GMPR: variants seen among roughly 807,000 people sequenced by gnomAD.
GMPR encodes the protein guanosine monophosphate reductase.
Under a neutral mutation model 38.4 loss-of-function variants are expected in GMPR, and 31 were observed. The observed-to-expected ratio is 0.81, with a 90% CI of 0.61 to 1.09. The LOEUF is 1.09. Ranked by LOEUF, GMPR falls within the 50% of genes least tolerant of loss-of-function variation. The pLI is 0.00. For synonymous variants in GMPR, 162 were observed against 173.3 expected (o/e 0.93, Z 0.51); for missense variants, 468 against 453.7 (o/e 1.03, Z -0.29).
intron 4 of GMPR, among the ~76,000 whole-genome samples, chr6:16,256,477 C>T (rs1173704207): frequency 1.4e-5 from 2 of 138,624 alleles, no homozygotes; most frequent in African/African-American, 2.7e-5. Flanking sequence ...GGCTGTGAGC[C>T]GAGATCTCAC....
chr6:16,242,730 C>T (rs558053412), intron 1 of GMPR, among the ~76,000 whole-genome samples: 82 of 152,264 alleles, frequency 5.4e-4, no homozygotes, highest in Non-Finnish European at 9.4e-4. Flanking sequence ...CCTCCGCCTC[C>T]CAGGTTCAAG....
chr6:16,246,997 C>T (rs1321369381), intron 2 of GMPR, 36 bp downstream of exon 2: 1 of 1,605,620 alleles, frequency 6.2e-7, no homozygotes, highest in East Asian at 2.2e-5. Context: ...CCCTTTGCTG[C>T]TCACACTGTG....
At chr6:16,246,634 G>A (rs1758760628) in intron 1 of GMPR, among the ~76,000 whole-genome samples, 1 of 152,210 alleles carries the variant, frequency 6.6e-6, no homozygotes, top group Non-Finnish European at 1.5e-5. Context: ...GGCTGGGAAA[G>A]TAGGAGAGAG....
At position 16,254,743 on chromosome 6, in the gene GMPR, C is replaced by A; in HGVS notation, c.465+8C>A. On this transcript the variant is annotated splice_region_variant and intron_variant, in intron 4 of 8. Transcript: ENST00000259727. ...CCTGAACACACCATTATGGTAAGTA[C>A]GGTAGAACATTACGGTAGAACATTC... The A allele has an allele frequency of 1.3e-6, 2 of 1,598,936 alleles. No homozygotes were observed. Among genetic ancestry groups the A allele is most frequent in the Non-Finnish European group, 1.7e-6 (2 of 1,166,476 alleles).
chr6:16,250,985 T>G (rs1411281551), intron 3 of GMPR, among the ~76,000 whole-genome samples: 1 of 152,166 alleles, frequency 6.6e-6, no homozygotes, highest in African/African-American at 2.4e-5. Flanking sequence ...CAGTTGTCAG[T>G]TCCTGGAACG....
chr6:16,238,959 G>A (rs1758591979), intron 1 of GMPR, among the ~76,000 whole-genome samples, 179 bp downstream of exon 1: 1 of 152,090 alleles, frequency 6.6e-6, no homozygotes, highest in Admixed American at 6.6e-5. Context: ...CTTTAAGGGC[G>A]GTGATACGGG....
rs1758582146 is a variant in GMPR at position 16,238,623 on chromosome 6, C to G, written c.-71C>G. 5.9e-6 allele frequency: 3 copies of G among 506,532 alleles called. No individual in the cohort carries two copies. Among genetic ancestry groups the G allele is most frequent in the Non-Finnish European group, 8.0e-6 (3 of 377,286 alleles). The allele number at this position is 506,532 out of a possible 1,614,324, so 31.4% of individuals were successfully genotyped here. On this transcript the variant is annotated 5_prime_UTR_variant, in exon 1 of 9. Transcript: ENST00000259727. ...CGGCCGCGGCACAGCAGCCCCGGCG[C>G]TCCCCGCGCCGCCCCGCGCAGGCGC... is the stretch of plus-strand genomic sequence containing the variant.
Position 16,258,840 on chromosome 6 carries a change from G to A in GMPR, c.465+4105G>A, listed in dbSNP as rs544855617. Among the ~76,000 whole-genome samples, 6 of 152,244 alleles carry A rather than the reference G, an allele frequency of 3.9e-5. No homozygotes were observed. The South Asian group carries it at 1.2e-3, about 32-fold the overall frequency. On this transcript the variant is annotated intron_variant, in intron 4 of 8. Coordinates refer to ENST00000259727, the MANE Select transcript of GMPR (RefSeq NM_006877.4). Reference sequence around the variant, plus strand: ...TTTTGGAATGAATGATGTAATATGAGGGCTGAGTGTTATGGAATGGAGTGT... The same window carrying A: ...TTTTGGAATGAATGATGTAATATGAAGGCTGAGTGTTATGGAATGGAGTGT...
intron 4 of GMPR, among the ~76,000 whole-genome samples, chr6:16,273,532 A>G (rs900779018): frequency 6.6e-6 from 1 of 152,194 alleles, no homozygotes; most frequent in Non-Finnish European, 1.5e-5. Flanking sequence ...GTGTGTTCTT[A>G]GGCCAAAGCT....
chr6:16,264,377 C>T (rs893807849), intron 4 of GMPR: 27 of 254,262 alleles, frequency 1.1e-4, no homozygotes, highest in Middle Eastern at 1.4e-3. Context: ...TTGGGCTGGT[C>T]GGTCCGAGGA....
At chr6:16,268,552 T>G (rs1759315730) in intron 4 of GMPR, among the ~76,000 whole-genome samples, 1 of 152,204 alleles carries the variant, frequency 6.6e-6, no homozygotes, top group East Asian at 1.9e-4. Context: ...AGTGTTGGGA[T>G]TACAGGCGTG....
Position 16,278,860 on chromosome 6 carries a change from T to C in GMPR, c.624T>C (p.Ser208=). 6.2e-7 allele frequency: 1 copy of C among 1,613,680 alleles called. No homozygotes were observed. The highest frequency in any genetic ancestry group is 8.5e-7 in the Non-Finnish European group (1 of 1,179,622). Residue 208 remains serine, a synonymous_variant, in exon 6 of 9, where the codon TCT becomes TCC. Transcript: ENST00000259727. ...QLSAVIECAD[S]AHGLKGHIIS... is the part of the protein sequence containing the mutation. ...GTGCCGTCATTGAGTGTGCCGACTC[T>C]GCCCATGGCCTGAAGGGCCACATCA...
intron 4 of GMPR, among the ~76,000 whole-genome samples, chr6:16,266,986 G>A (rs993443280): frequency 6.6e-6 from 1 of 151,450 alleles, no homozygotes; most frequent in Non-Finnish European, 1.5e-5. Context: ...CCACGAGGAG[G>A]AACGAACAAC....
intron 1 of GMPR, among the ~76,000 whole-genome samples, 159 bp from the exon 2 acceptor site, chr6:16,246,683 G>A (rs1036676481): frequency 1.3e-5 from 2 of 152,194 alleles, no homozygotes; most frequent in Non-Finnish European, 1.5e-5. Flanking sequence ...CGGAATTTCC[G>A]CTCTGGTGTC....
chr6:16,293,281 A>G (rs1264430334), intron 8 of GMPR, among the ~76,000 whole-genome samples: 1 of 152,238 alleles, frequency 6.6e-6, no homozygotes, highest in Non-Finnish European at 1.5e-5. Flanking sequence ...GAATCTAGAA[A>G]TTTCCAAGAA....
At chr6:16,287,172 G>A (rs1011471209) in intron 7 of GMPR, among the ~76,000 whole-genome samples, 1 of 152,194 alleles carries the variant, frequency 6.6e-6, no homozygotes, top group African/African-American at 2.4e-5. Flanking sequence ...CCTACAATCA[G>A]GGGCAGAACA....
intron 6 of GMPR, among the ~76,000 whole-genome samples, chr6:16,280,716 C>T (rs1278845431): frequency 2.0e-5 from 3 of 152,150 alleles, no homozygotes; most frequent in African/African-American, 4.8e-5. Flanking sequence ...ATCAACATTC[C>T]GGGACCCCAT....
chr6:16,275,543 C>A (rs553548794), intron 5 of GMPR, among the ~76,000 whole-genome samples: 1 of 152,232 alleles, frequency 6.6e-6, no homozygotes, highest in South Asian at 2.1e-4. Context: ...CTCATTTAAG[C>A]CAGTTAATAA....
intron 2 of GMPR, 21 bp from the exon 3 acceptor site, chr6:16,250,263 T>C (rs756090808): frequency 7.1e-7 from 1 of 1,408,456 alleles, no homozygotes; most frequent in Non-Finnish European, 1.0e-6. Flanking sequence ...CCCATCCTAA[T>C]GGTGCTGTTT....
Sources: allele counts gnomAD v4.1 joint callset (sites outside exome capture counted in the v4.1 genomes callset), GRCh38; gene constraint gnomAD v4.1.1; transcripts MANE v1.5; gene names NCBI Gene and HGNC (gene_info 2026-07-23, HGNC 2026-07-21).